NAALADL2: variants seen among roughly 807,000 people sequenced by gnomAD.
NAALADL2 encodes N-acetylated alpha-linked acidic dipeptidase like 2, also known as inactive N-acetylated-alpha-linked acidic dipeptidase-like protein 2.
A neutral mutation model predicts 87.2 loss-of-function variants in NAALADL2; 76 were observed. The ratio of observed to expected loss-of-function variants is 0.87; its 90% CI spans 0.72 to 1.05. The LOEUF (loss-of-function observed/expected upper bound fraction) is 1.05, where lower values mean the gene tolerates loss of function less well. NAALADL2 is among the 50% of genes least tolerant of loss of function. The pLI, the probability that NAALADL2 is intolerant of heterozygous loss-of-function variation, is 0.00. For missense variants in NAALADL2, 1,089 were observed against 945.8 expected, an observed-to-expected ratio of 1.15 and a Z score of -1.99; for synonymous variants, 354 against 331.0, an observed-to-expected ratio of 1.07 and a Z score of -0.75.
intron 11 of NAALADL2, among the ~76,000 whole-genome samples, chr3:175,715,693 T>C (rs1294486219): frequency 6.6e-6 from 1 of 151,918 alleles, no homozygotes; most frequent in East Asian, 1.9e-4. Flanking sequence ...CTGGTCAACA[T>C]GGTGAAACCT....
At chr3:175,455,560 T>A (rs1409669641) in intron 6 of NAALADL2, among the ~76,000 whole-genome samples, 1 of 152,092 alleles carries the variant, frequency 6.6e-6, no homozygotes, top group Non-Finnish European at 1.5e-5. Context: ...AAGAATACGA[T>A]TTAATTCAAT....
intron 11 of NAALADL2, among the ~76,000 whole-genome samples, chr3:175,700,865 T>A (rs1000593603): frequency 3.9e-5 from 6 of 152,124 alleles, no homozygotes; most frequent in African/African-American, 1.4e-4. Context: ...CAGTCTAAAG[T>A]AGTAATATTT....
At chr3:174,685,349 C>G (rs750919955) in intron 2 of NAALADL2, among the ~76,000 whole-genome samples, 8 of 152,132 alleles carry the variant, frequency 5.3e-5, no homozygotes, top group East Asian at 1.9e-4. Flanking sequence ...TACAAGCAAT[C>G]TGTTGTCAAA....
intron 13 of NAALADL2, among the ~76,000 whole-genome samples, chr3:175,770,869 T>A (rs1201766017): frequency 1.3e-5 from 2 of 152,162 alleles, no homozygotes; most frequent in Admixed American, 6.6e-5. Context: ...CTGCAGGTGG[T>A]TTGTACATTT....
intron 10 of NAALADL2, among the ~76,000 whole-genome samples, chr3:175,616,085 T>G (rs180899795): frequency 4.1e-5 from 6 of 147,352 alleles, no homozygotes; most frequent in Non-Finnish European, 6.0e-5. Flanking sequence ...TTATTTATAG[T>G]CATTTTAATA....
At chr3:175,740,156 G>A (rs186756733) in intron 12 of NAALADL2, among the ~76,000 whole-genome samples, 6 of 152,292 alleles carry the variant, frequency 3.9e-5, no homozygotes, top group Admixed American at 3.9e-4. Flanking sequence ...CTTATAACCA[G>A]AGGCCAAGTG....
chr3:174,544,376 G>T (rs1722531326), intron 1 of NAALADL2, among the ~76,000 whole-genome samples: 1 of 151,934 alleles, frequency 6.6e-6, no homozygotes, highest in South Asian at 2.1e-4. Flanking sequence ...TAATAACTAT[G>T]TGAATATTGT....
intron 5 of NAALADL2, among the ~76,000 whole-genome samples, chr3:175,438,609 C>T (rs375033577): frequency 4.0e-5 from 6 of 151,686 alleles, no homozygotes; most frequent in Non-Finnish European, 8.8e-5. Context: ...TCTGGTAAGT[C>T]CACAGTATTA....
chr3:175,074,767 G>A (rs1449948451), intron 1 of NAALADL2, among the ~76,000 whole-genome samples: 1 of 151,886 alleles, frequency 6.6e-6, no homozygotes, highest in Non-Finnish European at 1.5e-5. Context: ...GGATAGGAAC[G>A]TGCATGGGAG....
At chr3:174,910,686 CCAT>C (rs1733580288) in intron 1 of NAALADL2, among the ~76,000 whole-genome samples, 1 of 151,974 alleles carries the variant, frequency 6.6e-6, no homozygotes, top group Admixed American at 6.6e-5. Context: ...TCAGTACACA[CCAT>C]ATTAGTCATA....
At chr3:174,806,756 G>A (rs1216973526) in intron 3 of NAALADL2, among the ~76,000 whole-genome samples, 4 of 152,130 alleles carry the variant, frequency 2.6e-5, no homozygotes, top group Admixed American at 6.6e-5. Context: ...TTTTCAGAAA[G>A]ACATTAGTGT....
chr3:174,612,232 C>G (rs905470378), intron 2 of NAALADL2, among the ~76,000 whole-genome samples: 5 of 151,956 alleles, frequency 3.3e-5, no homozygotes, highest in Non-Finnish European at 7.4e-5. Context: ...TATCCTTGAC[C>G]TTTGGGAATT....
intron 1 of NAALADL2, among the ~76,000 whole-genome samples, chr3:174,546,718 A>G (rs1220484535): frequency 6.6e-6 from 1 of 152,084 alleles, no homozygotes; most frequent in Non-Finnish European, 1.5e-5. Context: ...AGCGCAGTGG[A>G]GCGATCTTGG....
At chr3:174,615,267 G>T (rs1720342713) in intron 2 of NAALADL2, among the ~76,000 whole-genome samples, 1 of 152,182 alleles carries the variant, frequency 6.6e-6, no homozygotes, top group Non-Finnish European at 1.5e-5. Flanking sequence ...AACTGGATCT[G>T]ATCTATCCTT....
chr3:174,796,814 A>G (rs977815954), intron 3 of NAALADL2, among the ~76,000 whole-genome samples: 1 of 139,122 alleles, frequency 7.2e-6, no homozygotes, highest in Non-Finnish European at 1.5e-5. Flanking sequence ...TCCTTTGTCC[A>G]CTTTTTAATG....
At chr3:174,686,970 A>C (rs61304219) in intron 2 of NAALADL2, among the ~76,000 whole-genome samples, 11,970 of 152,104 alleles carry the variant, frequency 0.079, 669 homozygotes, top group South Asian at 0.27. Flanking sequence ...AAAACTAAAG[A>C]GAAATTTTTT....
intron 2 of NAALADL2, among the ~76,000 whole-genome samples, chr3:175,110,750 G>T (rs1469589685): frequency 1.3e-5 from 2 of 151,768 alleles, no homozygotes; most frequent in African/African-American, 4.8e-5. Context: ...TAAATTTGGG[G>T]ATTGCGGAAA....
intron 5 of NAALADL2, among the ~76,000 whole-genome samples, chr3:175,440,698 T>C (rs1242702156): frequency 6.6e-6 from 1 of 152,174 alleles, no homozygotes; most frequent in Non-Finnish European, 1.5e-5. Context: ...TTGCTGTTGG[T>C]GTATAGCAGG....
intron 2 of NAALADL2, among the ~76,000 whole-genome samples, chr3:174,706,017 T>C (rs917695683): frequency 6.6e-6 from 1 of 152,210 alleles, no homozygotes; most frequent in Non-Finnish European, 1.5e-5. Context: ...AATTTCTCTC[T>C]ACGTGATCAA....
Sources: gnomAD v4.1 joint callset for allele counts (sites outside exome capture counted in the v4.1 genomes callset) on GRCh38, gnomAD v4.1.1 for gene constraint, MANE v1.5 for transcripts, NCBI Gene and HGNC (gene_info 2026-07-23, HGNC 2026-07-21) for gene names.